Variants in KAT6B observed in about 807,000 individuals in gnomAD.
KAT6B encodes the protein histone acetyltransferase KAT6B.
KAT6B carries 10 observed loss-of-function variants against 187.5 expected under a neutral mutation model. The ratio of observed to expected loss-of-function variants is 0.05; its 90% confidence interval spans 0.03 to 0.09. The LOEUF (loss-of-function observed/expected upper bound fraction) is 0.09, where lower values mean the gene tolerates loss of function less well. Ranked by LOEUF, KAT6B falls within the 10% of genes least tolerant of loss-of-function variation. The pLI, the probability that KAT6B is intolerant of heterozygous loss-of-function variation, is 1.00. For missense variants in KAT6B, 1,952 were observed against 2,558.9 expected (o/e 0.76, Z 5.12); for synonymous variants, 861 against 926.8 (o/e 0.93, Z 1.29).
intron 3 of KAT6B, among the ~76,000 whole-genome samples, chr10:74,913,324 G>A (rs536223310): frequency 1.3e-5 from 2 of 152,246 alleles, no homozygotes; most frequent in East Asian, 3.9e-4. Flanking sequence ...TCCCCTGTAT[G>A]TAATACATAC....
Position 74,988,144 on chromosome 10 carries a change from C to G in KAT6B, c.2536-875C>G, listed in dbSNP as rs1842929732. Among the ~76,000 whole-genome samples the G allele has an allele frequency of 1.3e-5, 2 of 152,168 alleles. 1 individual carries two copies. The highest frequency in any genetic ancestry group is 4.1e-4 in the South Asian group (2 of 4,822). ...TTCTGAAGTAATTCTTTGGTGTGGT[C>G]TGTACCATTTGTGGTCAGTCTTATT... On this transcript the variant is annotated intron_variant, in intron 12 of 17. Transcript: ENST00000287239.
chr10:74,942,134 A>G (rs1157579519), intron 3 of KAT6B, among the ~76,000 whole-genome samples: 1 of 152,142 alleles, frequency 6.6e-6, no homozygotes, highest in East Asian at 1.9e-4. Flanking sequence ...TCGGCGACAG[A>G]GTGAGATTTT....
At chr10:74,957,644 G>T (rs1165047168) in intron 3 of KAT6B, among the ~76,000 whole-genome samples, 1 of 152,232 alleles carries the variant, frequency 6.6e-6, no homozygotes, top group East Asian at 1.9e-4. Flanking sequence ...TTATTTATCA[G>T]TGCAAGGATG....
intron 3 of KAT6B, among the ~76,000 whole-genome samples, chr10:74,945,634 G>A (rs1200327744): frequency 6.6e-6 from 1 of 152,030 alleles, no homozygotes. Flanking sequence ...ATTTTTAATA[G>A]AGACGGGGTC....
intron 12 of KAT6B, among the ~76,000 whole-genome samples, chr10:74,987,883 A>G (rs1417506103): frequency 6.6e-6 from 1 of 152,218 alleles, no homozygotes; most frequent in South Asian, 2.1e-4. Flanking sequence ...AAAACAGACG[A>G]ATTACTTGAA....
At chr10:74,967,202 C>T (rs1247048609) in intron 4 of KAT6B, among the ~76,000 whole-genome samples, 2 of 149,956 alleles carry the variant, frequency 1.3e-5, no homozygotes, top group Admixed American at 6.6e-5. Context: ...TAGTGGCGGG[C>T]GCCTCTAGTC....
At chr10:74,976,463 A>T in intron 8 of KAT6B, 133 bp downstream of exon 8, 1 of 794,686 alleles carries the variant, frequency 1.3e-6, no homozygotes, top group Non-Finnish European at 2.1e-6. Flanking sequence ...CTTCACTTTC[A>T]TACAGAAGCA....
At chr10:74,936,592 G>A (rs1299493290) in intron 3 of KAT6B, among the ~76,000 whole-genome samples, 4 of 152,066 alleles carry the variant, frequency 2.6e-5, no homozygotes, top group African/African-American at 9.7e-5. Flanking sequence ...TGAGTGAGAT[G>A]TTTATTTAGA....
intron 3 of KAT6B, among the ~76,000 whole-genome samples, chr10:74,909,370 CTAAA>C (rs562954255): frequency 3.3e-5 from 5 of 152,152 alleles, no homozygotes; most frequent in African/African-American, 7.2e-5. Flanking sequence ...GACAACATCT[CTAAA>C]TAAATAAATA....
chr10:74,897,984 G>A (rs1372393723), intron 3 of KAT6B, among the ~76,000 whole-genome samples: 2 of 151,992 alleles, frequency 1.3e-5, no homozygotes. Context: ...TAACAGACAA[G>A]CACACTTTTA....
rs574141923 is a variant in KAT6B, at chr10:74,981,936, C to T, written c.2373+8C>T. On this transcript the variant is annotated splice_region_variant and intron_variant, in intron 11 of 17. Transcript: ENST00000287239. The stretch of plus-strand genomic sequence containing the variant: ...GACCTTTCAGTATTTGAGGTAAGCG[C>T]GTGTAAATAAAAAAATTCAGCTTTT... 2.9e-5 allele frequency: 46 copies of T among 1,612,844 alleles called. No homozygotes were observed. The highest frequency in any genetic ancestry group is 9.4e-5 in the African/African-American group (7 of 74,848).
At chr10:74,886,542 A>G (rs537082746) in intron 3 of KAT6B, among the ~76,000 whole-genome samples, 1 of 152,282 alleles carries the variant, frequency 6.6e-6, no homozygotes, top group African/African-American at 2.4e-5. Flanking sequence ...GCAAAGATTC[A>G]GCTTCCTCTC....
chr10:74,874,152 G>A (rs1433646654), intron 3 of KAT6B, among the ~76,000 whole-genome samples: 2 of 152,116 alleles, frequency 1.3e-5, no homozygotes, highest in African/African-American at 2.4e-5. Context: ...TGATGTGAAC[G>A]TATTTCTTAC....
At chr10:75,020,535 C>A in intron 13 of KAT6B, 47 bp from the exon 14 acceptor site, 1 of 1,328,730 alleles carries the variant, frequency 7.5e-7, no homozygotes, top group South Asian at 1.2e-5. Flanking sequence ...GTTCTAAGCT[C>A]TGGGAATGCC....
chr10:74,967,073 T>G (rs927920041), intron 4 of KAT6B, among the ~76,000 whole-genome samples: 5 of 151,460 alleles, frequency 3.3e-5, no homozygotes, highest in Non-Finnish European at 5.9e-5. Flanking sequence ...ACACCTGTAA[T>G]CCCAGCACTT....
At chr10:74,882,064 C>T (rs1301414782) in intron 3 of KAT6B, among the ~76,000 whole-genome samples, 1 of 152,210 alleles carries the variant, frequency 6.6e-6, no homozygotes, top group Non-Finnish European at 1.5e-5. Flanking sequence ...ACCTGCTCTT[C>T]CCGCTGCGCC....
rs1841726183 is a variant in KAT6B at position 74,969,752 on chromosome 10, T to TGTA, written c.825_827dup (p.Cys275_Arg276insSer). 4.3e-6 allele frequency: 7 copies of TGTA among 1,613,094 alleles called. No individual in the cohort carries two copies. Among genetic ancestry groups the TGTA allele is most frequent in the Non-Finnish European group, 5.9e-6 (7 of 1,179,024 alleles). ...CATCGAATGCAAGACATGCAGTGCC[T>TGTA]GTAGAGTCCAAGGCAGAAATGCTGT... is the stretch of plus-strand genomic sequence containing the variant. On this transcript the variant is annotated inframe_insertion, in exon 5 of 18. Coordinates refer to ENST00000287239, the MANE Select transcript of KAT6B (RefSeq NM_012330.4).
chr10:74,944,014 G>A (rs1315067465), intron 3 of KAT6B, among the ~76,000 whole-genome samples: 2 of 152,212 alleles, frequency 1.3e-5, no homozygotes, highest in South Asian at 2.1e-4. Context: ...AAGCAGCTAC[G>A]GATAAAGCTC....
At chr10:74,992,856 C>A (rs951111534) in intron 13 of KAT6B, among the ~76,000 whole-genome samples, 2 of 152,190 alleles carry the variant, frequency 1.3e-5, no homozygotes, top group Non-Finnish European at 2.9e-5. Context: ...GGCACCAACT[C>A]CCAATCTGGT....
Sources: gnomAD v4.1 joint callset for allele counts (sites outside exome capture counted in the v4.1 genomes callset) on GRCh38, gnomAD v4.1.1 for gene constraint, MANE v1.5 for transcripts, NCBI Gene and HGNC (gene_info 2026-07-23, HGNC 2026-07-21) for gene names.